TMEM184B: variants seen among roughly 807,000 people sequenced by gnomAD.
The protein encoded by TMEM184B is putative MAPK-activating protein FM08.
Under a neutral mutation model 41.8 loss-of-function variants are expected in TMEM184B, and 17 were observed. That is an observed-to-expected ratio of 0.41 (90% confidence interval 0.28 to 0.61). The LOEUF (loss-of-function observed/expected upper bound fraction) is 0.61, where lower values mean the gene tolerates loss of function less well. Among genes scored for constraint, TMEM184B ranks in the 20% least tolerant of loss-of-function variants. The pLI, the probability that TMEM184B is intolerant of heterozygous loss-of-function variation, is 0.34. For missense variants in TMEM184B, 393 were observed against 557.8 expected, an observed-to-expected ratio of 0.70 and a Z score of 2.98; for synonymous variants, 240 against 229.5, an observed-to-expected ratio of 1.05 and a Z score of -0.41.
intron 1 of TMEM184B, among the ~76,000 whole-genome samples, chr22:38,252,902 G>C (rs964548752): frequency 6.6e-6 from 1 of 152,196 alleles, no homozygotes. Flanking sequence ...TAGCACTTTG[G>C]GAGGCCGAGC....
intron 3 of TMEM184B, among the ~76,000 whole-genome samples, chr22:38,243,632 GTTAAGC>G (rs1175899387): frequency 2.6e-5 from 4 of 152,162 alleles, no homozygotes; most frequent in Admixed American, 6.5e-5. Flanking sequence ...CAGAGCCCCA[GTTAAGC>G]CCTGAGCAGG....
chr22:38,237,128 C>A (rs556389309), intron 3 of TMEM184B, among the ~76,000 whole-genome samples: 1 of 152,142 alleles, frequency 6.6e-6, no homozygotes, highest in African/African-American at 2.4e-5. Context: ...CTAATAAATG[C>A]TACAGGACCC....
Position 38,225,596 on chromosome 22 carries a change from G to A in TMEM184B, c.618-3C>T. 6.2e-7 allele frequency: 1 copy of A among 1,603,510 alleles called. No individual in the cohort carries two copies. Among genetic ancestry groups the A allele is most frequent in the Admixed American group, 1.7e-5 (1 of 57,576 alleles). On this transcript the variant is annotated splice_polypyrimidine_tract_variant and splice_region_variant and intron_variant, in intron 6 of 8. Transcript: ENST00000361906. The surrounding 1 kb of genome is among the most constrained non-coding windows in gnomAD (Gnocchi z 4.4). ...CGTAGAGGTAGCCACTGGTGACGCT[G>A]CGGGACGGGGAGCATTTTCTGGCTG...
At chr22:38,231,891 G>A (rs190758686) in intron 3 of TMEM184B, 14 of 213,736 alleles carry the variant, frequency 6.6e-5, no homozygotes, top group Admixed American at 5.2e-4. Flanking sequence ...GCCGAAGGAG[G>A]GGTGAACCAG....
At chr22:38,235,003 C>T (rs893724641) in intron 3 of TMEM184B, among the ~76,000 whole-genome samples, 1 of 152,202 alleles carries the variant, frequency 6.6e-6, no homozygotes, top group South Asian at 2.1e-4. Flanking sequence ...GGTGTGTTAC[C>T]TACTGCTTTT....
intron 8 of TMEM184B, chr22:38,223,749 T>C: frequency 6.6e-6 from 1 of 152,502 alleles, no homozygotes; most frequent in Non-Finnish European, 1.5e-5. Context: ...ACTGGCTCAA[T>C]CAGTCTCAGG....
chr22:38,218,957 A>G (rs2091185451), downstream of TMEM184B, among the ~76,000 whole-genome samples: 1 of 152,150 alleles, frequency 6.6e-6, no homozygotes, highest in African/African-American at 2.4e-5. Flanking sequence ...CTCGTCTGAA[A>G]GGGGGATCCC....
chr22:38,261,455 G>A (rs961156866), intron 1 of TMEM184B, among the ~76,000 whole-genome samples: 1 of 152,176 alleles, frequency 6.6e-6, no homozygotes, highest in Non-Finnish European at 1.5e-5. Context: ...AACCAGGAAA[G>A]CAAAATCATC....
intron 3 of TMEM184B, among the ~76,000 whole-genome samples, chr22:38,244,795 G>A (rs920890702): frequency 1.3e-5 from 2 of 152,182 alleles, no homozygotes; most frequent in African/African-American, 4.8e-5. Flanking sequence ...CTCCATTCCT[G>A]CTGGCCTGTC....
At position 38,248,123 on chromosome 22, in the gene TMEM184B, G is replaced by A. The variant is rs185829457; in HGVS notation, c.-58-104C>T. On this transcript the variant is annotated intron_variant, in intron 1 of 8. Coordinates refer to ENST00000361906, the MANE Select transcript of TMEM184B (RefSeq NM_012264.5). Reference sequence around the variant, plus strand: ...CCCACCTCCTGACCATGTCTGTATTGACCCCAACCATCACCCTGTCCCAGC... The same window carrying A: ...CCCACCTCCTGACCATGTCTGTATTAACCCCAACCATCACCCTGTCCCAGC... 6.0e-5 allele frequency: 84 copies of A among 1,394,734 alleles called. 1 individual carries two copies. The Admixed American group carries it at 2.2e-3, about 36-fold the overall frequency. The allele number at this position is 1,394,734 out of a possible 1,614,324, so 86.4% of individuals were successfully genotyped here. A position where few individuals can be genotyped will look rare whatever the true frequency, so the allele number is the denominator to read the frequency against.
Position 38,272,887 on chromosome 22 carries a change from A to C in TMEM184B, c.-62T>G. ...CGAGGCCGGCCAGGCGGGATACCTC[A>C]GGAGCCCATGGCGGTGGCGGCGTCT... On this transcript the variant is annotated 5_prime_UTR_variant, in exon 1 of 9. The change abolishes the stop of an existing upstream ORF in the 5' untranslated region. Coordinates refer to ENST00000361906, the MANE Select transcript of TMEM184B (RefSeq NM_012264.5). 1 of 841,932 alleles carries C rather than the reference A, an allele frequency of 1.2e-6. No individual in the cohort carries two copies. Among genetic ancestry groups the C allele is most frequent in the Non-Finnish European group, 1.4e-6 (1 of 699,422 alleles). The allele number at this position is 841,932 out of a possible 1,614,324, so 52.2% of individuals were successfully genotyped here. A position where few individuals can be genotyped will look rare whatever the true frequency, so the allele number is the denominator to read the frequency against.
intron 3 of TMEM184B, among the ~76,000 whole-genome samples, chr22:38,244,148 C>G (rs1183314308): frequency 6.6e-6 from 1 of 152,160 alleles, no homozygotes; most frequent in East Asian, 1.9e-4. Flanking sequence ...CCTCCATTTT[C>G]TTGCCAAACC....
At chr22:38,240,879 A>C (rs2091891135) in intron 3 of TMEM184B, among the ~76,000 whole-genome samples, 1 of 152,230 alleles carries the variant, frequency 6.6e-6, no homozygotes, top group Non-Finnish European at 1.5e-5. Context: ...AAGGATTTCC[A>C]ACTTAGGATT....
chr22:38,261,311 C>A (rs1362320308), intron 1 of TMEM184B, among the ~76,000 whole-genome samples: 2 of 152,194 alleles, frequency 1.3e-5, no homozygotes, highest in Non-Finnish European at 2.9e-5. Context: ...AAAAGGATCA[C>A]ATGCCCTCAC....
In TMEM184B at chr22:38,235,336, G is replaced by A. The variant is rs112999733; in HGVS notation, c.359-4002C>T. On this transcript the variant is annotated intron_variant, in intron 3 of 8. Coordinates refer to ENST00000361906, the MANE Select transcript of TMEM184B (RefSeq NM_012264.5). ...CCTCTCTATCTGGAAGCTCCCTCCC[G>A]GGAGAGCCCATCCCTGCAGTCCTCT... Among the ~76,000 whole-genome samples, 814 of 152,294 alleles carry A rather than the reference G, an allele frequency of 5.3e-3. 6 individuals carry two copies. Among genetic ancestry groups the A allele is most frequent in the South Asian group, 0.012 (57 of 4,818 alleles).
intron 1 of TMEM184B, among the ~76,000 whole-genome samples, chr22:38,248,291 C>A (rs370126145): frequency 3.8e-4 from 58 of 152,224 alleles, no homozygotes; most frequent in African/African-American, 1.2e-3. Context: ...TCAAAACTCT[C>A]CAATAGCTCC....
chr22:38,230,548 G>A (rs2091583214), intron 5 of TMEM184B, 121 bp downstream of exon 5: 1 of 951,546 alleles, frequency 1.1e-6, no homozygotes. Flanking sequence ...GTGGGTGCTG[G>A]GGGCCTGGGG....
chr22:38,231,116 TG>T, intron 4 of TMEM184B, 127 bp downstream of exon 4: 1 of 821,916 alleles, frequency 1.2e-6, no homozygotes, highest in Non-Finnish European at 2.1e-6. Flanking sequence ...TCAGGAAATG[TG>T]GTGAGGCACA....
intron 1 of TMEM184B, among the ~76,000 whole-genome samples, chr22:38,259,198 C>G (rs1373962517): frequency 6.6e-6 from 1 of 152,220 alleles, no homozygotes; most frequent in East Asian, 1.9e-4. Flanking sequence ...CACCCAGATT[C>G]TATCGTCAGA....
Sources: gnomAD v4.1 joint callset for allele counts (sites outside exome capture counted in the v4.1 genomes callset) on GRCh38, gnomAD v4.1.1 for gene constraint, Gnocchi (gnomAD v3.1) non-coding constraint, MANE v1.5 for transcripts, NCBI Gene and HGNC (gene_info 2026-07-23, HGNC 2026-07-21) for gene names.